The following PDCD6IP variants were observed in gnomAD, a reference collection of about 807,000 sequenced individuals.
The protein encoded by PDCD6IP is programmed cell death 6 interacting protein, also known as programmed cell death 6-interacting protein.
A neutral mutation model predicts 103.7 loss-of-function variants in PDCD6IP; 43 were observed. That is an observed-to-expected ratio of 0.41 (90% CI 0.32 to 0.53). The LOEUF is 0.53. PDCD6IP is among the 20% of genes least tolerant of loss of function. PDCD6IP has a pLI of 0.16. For missense variants in PDCD6IP, 871 were observed against 1,036.7 expected (o/e 0.84, Z 2.20); for synonymous variants, 354 against 378.7 (o/e 0.93, Z 0.76).
chr3:33,816,488 G>C (rs1280929067), intron 3 of PDCD6IP, among the ~76,000 whole-genome samples: 2 of 122,754 alleles, frequency 1.6e-5, no homozygotes, highest in Non-Finnish European at 3.2e-5. Context: ...CTGGGTGACA[G>C]AGCAAGATTC....
intron 7 of PDCD6IP, among the ~76,000 whole-genome samples, chr3:33,835,782 T>A (rs1276193988): frequency 6.6e-6 from 1 of 152,214 alleles, no homozygotes; most frequent in Non-Finnish European, 1.5e-5. Flanking sequence ...CAGTTTATAC[T>A]GATGGGCTCA....
rs758723730 is a variant in PDCD6IP, at chr3:33,825,249, G to T, written c.525G>T (p.Pro175=). 6.2e-7 allele frequency: 1 copy of T among 1,613,398 alleles called. No individual in the cohort carries two copies. Among genetic ancestry groups the T allele is most frequent in the Non-Finnish European group, 8.5e-7 (1 of 1,179,708 alleles). ...ETVLSALSRE[P]TVDISPDTVG... ...TTTTATCTGCCTTAAGTCGAGAGCC[G>T]ACCGTGGACATATCTCCAGATACTG... The change falls in exon 5 of 18, where the codon CCG becomes CCT. Residue 175 remains proline (P), a synonymous_variant. Transcript: ENST00000307296.
intron 9 of PDCD6IP, among the ~76,000 whole-genome samples, chr3:33,839,889 T>C (rs1697431621): frequency 6.6e-6 from 1 of 152,226 alleles, no homozygotes; most frequent in Admixed American, 6.5e-5. Flanking sequence ...TACTAGCCAT[T>C]CATATATTTT....
At chr3:33,801,428 T>A (rs1420786570) in intron 1 of PDCD6IP, among the ~76,000 whole-genome samples, 1 of 152,202 alleles carries the variant, frequency 6.6e-6, no homozygotes, top group East Asian at 1.9e-4. Context: ...TGTTTTCTTA[T>A]TACTAACTTG....
chr3:33,808,528 C>G (rs180903102), intron 1 of PDCD6IP, among the ~76,000 whole-genome samples: 3 of 152,220 alleles, frequency 2.0e-5, no homozygotes, highest in Non-Finnish European at 4.4e-5. Flanking sequence ...ATCCTCCTAC[C>G]TCAGCCTCCC....
intron 9 of PDCD6IP, among the ~76,000 whole-genome samples, chr3:33,838,698 T>C (rs917925552): frequency 1.3e-5 from 2 of 151,984 alleles, no homozygotes; most frequent in Non-Finnish European, 2.9e-5. Flanking sequence ...TTTAGGTATA[T>C]TTTACACACA....
Position 33,868,535 on chromosome 3 carries a change from A to G in PDCD6IP, c.*2010A>G, listed in dbSNP as rs914823651. 8 of 152,662 alleles carry G rather than the reference A, an allele frequency of 5.2e-5. No individual in the cohort carries two copies. Among genetic ancestry groups the G allele is most frequent in the Admixed American group, 5.2e-4 (8 of 15,276 alleles). The allele number at this position is 152,662 out of a possible 1,614,324, so 9.5% of individuals were successfully genotyped here. A position where few individuals can be genotyped will look rare whatever the true frequency, so the allele number is the denominator to read the frequency against. On this transcript the variant is annotated 3_prime_UTR_variant, in exon 18 of 18. Transcript: ENST00000307296. ...CGGCTCTGTTAGTGTAACCTTTTAA[A>G]TGTAGCAACACAAACCCTTTCCCTC...
intron 1 of PDCD6IP, among the ~76,000 whole-genome samples, chr3:33,805,845 C>T (rs1258189397): frequency 2.6e-5 from 4 of 151,954 alleles, no homozygotes; most frequent in East Asian, 1.9e-4. Context: ...CCCAGGTTCA[C>T]GCCATTCTCC....
chr3:33,799,105 C>T, intron 1 of PDCD6IP, 168 bp downstream of exon 1: 2 of 663,516 alleles, frequency 3.0e-6, no homozygotes, highest in South Asian at 4.0e-5. Context: ...GCAGGACCCG[C>T]CCTGCAGGCC....
chr3:33,864,185 G>A lies in PDCD6IP; in HGVS notation c.2244+56G>A, dbSNP rs1575950222. ...GGTTTTACATTAACGATGATTACTT[G>A]TTCTAACGGATAAAACATGATTTAC... On this transcript the variant is annotated intron_variant, in intron 16 of 17. Coordinates refer to ENST00000307296, the MANE Select transcript of PDCD6IP (RefSeq NM_013374.6). The A allele has an allele frequency of 5.8e-6, 6 of 1,027,338 alleles. No homozygotes were observed. The East Asian group carries it at 1.2e-4, about 21-fold the overall frequency. The allele number at this position is 1,027,338 out of a possible 1,614,324, so 63.6% of individuals were successfully genotyped here.
rs1437392699 is a variant in PDCD6IP at position 33,861,179 on chromosome 3, C to T, written c.2121-2827C>T. Among the ~76,000 whole-genome samples the T allele has an allele frequency of 2.0e-5, 3 of 148,830 alleles. No individual in the cohort carries two copies. The East Asian group carries it at 5.9e-4, about 29-fold the overall frequency. On this transcript the variant is annotated intron_variant, in intron 15 of 17. Transcript: ENST00000307296. ...TTTTTTTGTGAGATGGAGTCTTGCT[C>T]TGTCGCTCAGGCTGGAGTGCAGTGG...
At chr3:33,829,328 C>A (rs1575920393) in intron 7 of PDCD6IP, among the ~76,000 whole-genome samples, 1 of 152,082 alleles carries the variant, frequency 6.6e-6, no homozygotes, top group East Asian at 1.9e-4. Context: ...GCATTCAGTT[C>A]TCTTTTTTGG....
rs954453470 is a variant in PDCD6IP, at chr3:33,823,172, C to T, written c.462+1090C>T. Among the ~76,000 whole-genome samples the T allele has an allele frequency of 3.3e-5, 5 of 151,996 alleles. No homozygotes were observed. In the South Asian group the frequency reaches 6.2e-4, roughly 19 times the overall value. ...TTTACATACGAGGAGGCTAAAGGTC[C>T]GAAGTCTTAATAAAGCAGTCTATTT... On this transcript the variant is annotated intron_variant, in intron 4 of 17. Coordinates refer to ENST00000307296, the MANE Select transcript of PDCD6IP (RefSeq NM_013374.6).
At chr3:33,858,148 G>A (rs1336152870) in intron 15 of PDCD6IP, among the ~76,000 whole-genome samples, 1 of 151,978 alleles carries the variant, frequency 6.6e-6, no homozygotes, top group Non-Finnish European at 1.5e-5. Context: ...AACCTATAGA[G>A]GATAAGATGA....
At chr3:33,832,154 A>G (rs1298833032) in intron 7 of PDCD6IP, among the ~76,000 whole-genome samples, 1 of 152,182 alleles carries the variant, frequency 6.6e-6, no homozygotes, top group Non-Finnish European at 1.5e-5. Context: ...GAGCCTGGAA[A>G]TCCAAGGTCA....
chr3:33,832,583 T>C (rs1697266139), intron 7 of PDCD6IP, among the ~76,000 whole-genome samples: 1 of 152,198 alleles, frequency 6.6e-6, no homozygotes, highest in African/African-American at 2.4e-5. Context: ...GGCTAGCCCA[T>C]TGTCCCCAAA....
chr3:33,833,878 GCAT>G (rs901112703), intron 7 of PDCD6IP, among the ~76,000 whole-genome samples: 2 of 152,236 alleles, frequency 1.3e-5, no homozygotes, highest in Admixed American at 1.3e-4. Flanking sequence ...AGCTTTACAA[GCAT>G]CATTGTGTTA....
chr3:33,833,672 G>A (rs1697286936), intron 7 of PDCD6IP, among the ~76,000 whole-genome samples: 1 of 152,048 alleles, frequency 6.6e-6, no homozygotes, highest in African/African-American at 2.4e-5. Flanking sequence ...TTAGTTTTTA[G>A]CATGCTGTTT....
At chr3:33,849,480 T>C (rs1371369093) in intron 12 of PDCD6IP, among the ~76,000 whole-genome samples, 1 of 152,170 alleles carries the variant, frequency 6.6e-6, no homozygotes, top group Non-Finnish European at 1.5e-5. Context: ...GAAAAGACTG[T>C]TTTTGTTAGT....
Sources: gnomAD v4.1 joint callset for allele counts (sites outside exome capture counted in the v4.1 genomes callset) on GRCh38, gnomAD v4.1.1 for gene constraint, MANE v1.5 for transcripts, NCBI Gene and HGNC (gene_info 2026-07-23, HGNC 2026-07-21) for gene names.